The following BICD2 variants were observed in gnomAD, a reference collection of about 807,000 sequenced individuals.
BICD2 encodes BICD cargo adaptor 2, also known as protein bicaudal D homolog 2.
Under a neutral mutation model 72.9 loss-of-function variants are expected in BICD2, and 25 were observed. The ratio of observed to expected loss-of-function variants is 0.34; its 90% CI spans 0.25 to 0.48. The LOEUF (loss-of-function observed/expected upper bound fraction) is 0.48. Ranked by LOEUF, BICD2 falls within the 20% of genes least tolerant of loss-of-function variation. The pLI is 0.99. For synonymous variants in BICD2, 501 were observed against 516.1 expected (o/e 0.97, Z 0.40); for missense variants, 894 against 1,175.2 (o/e 0.76, Z 3.50).
At chr9:92,752,873 C>T (rs1055617225) in intron 1 of BICD2, among the ~76,000 whole-genome samples, 2 of 152,116 alleles carry the variant, frequency 1.3e-5, no homozygotes, top group Admixed American at 6.6e-5. Context: ...TAGATAGCAC[C>T]CTGCCCTCAA....
chr9:92,723,746 G>A (rs2131505407), intron 2 of BICD2, among the ~76,000 whole-genome samples: 1 of 152,328 alleles, frequency 6.6e-6, no homozygotes, highest in African/African-American at 2.4e-5. Context: ...GCTCTAAGTT[G>A]CCCATAAGGA....
rs570980960 is a variant in BICD2 at position 92,717,474 on chromosome 9, G to A, written c.2258+323C>T. On this transcript the variant is annotated intron_variant, in intron 6 of 6. Transcript: ENST00000356884. ...CCCGGCCACATGTGGGCACCTGCCAGGCATGCCCTATGCTCCAGCAACTGC... is the reference window on the plus strand; with the variant it reads ...CCCGGCCACATGTGGGCACCTGCCAAGCATGCCCTATGCTCCAGCAACTGC... Among the ~76,000 whole-genome samples, 11 of 152,378 alleles carry A rather than the reference G, an allele frequency of 7.2e-5. No homozygotes were observed. The East Asian group carries it at 2.1e-3, about 29-fold the overall frequency.
At chr9:92,742,136 A>G (rs1236174735) in intron 1 of BICD2, among the ~76,000 whole-genome samples, 1 of 152,218 alleles carries the variant, frequency 6.6e-6, no homozygotes, top group Admixed American at 6.5e-5. Flanking sequence ...TTCATGTGAT[A>G]TGGGTACCAC....
intron 1 of BICD2, among the ~76,000 whole-genome samples, chr9:92,753,952 A>G (rs1027922374): frequency 2.6e-5 from 4 of 151,146 alleles, no homozygotes; most frequent in African/African-American, 7.3e-5. Flanking sequence ...AGACCATCCC[A>G]GCTAACACCG....
intron 2 of BICD2, among the ~76,000 whole-genome samples, chr9:92,726,522 C>T (rs569244897): frequency 1.3e-5 from 2 of 152,232 alleles, no homozygotes; most frequent in African/African-American, 4.8e-5. Context: ...GTGGCTCAGA[C>T]CAGCAGAACA....
chr9:92,740,437 T>C (rs965844196), intron 1 of BICD2, among the ~76,000 whole-genome samples: 1 of 151,204 alleles, frequency 6.6e-6, no homozygotes, highest in African/African-American at 2.4e-5. Context: ...AGAGAAGGTA[T>C]ACAGAACAAA....
Position 92,722,770 on chromosome 9 carries a change from C to T in BICD2, c.492G>A (p.Arg164=). 1 of 1,613,294 alleles carries T rather than the reference C, an allele frequency of 6.2e-7. No homozygotes were observed. ...GGAATTTGTACTCCTTGATGTCATC[C>T]CGCAGGCGGCCACGCTGGATCTCCA... ...QNVEIQRGRL[R]DDIKEYKFRE... Residue 164 remains arginine, a synonymous_variant, in exon 3 of 7, where the codon CGG becomes CGA. Coordinates refer to ENST00000356884, the MANE Select transcript of BICD2 (RefSeq NM_001003800.2).
intron 1 of BICD2, among the ~76,000 whole-genome samples, chr9:92,742,502 G>A (rs1029191902): frequency 6.6e-6 from 1 of 150,660 alleles, no homozygotes; most frequent in African/African-American, 2.4e-5. Flanking sequence ...CTCCTGCCTC[G>A]GCCTCCCGAG....
In BICD2 at chr9:92,719,249, G is replaced by A. The variant is rs1408045633; in HGVS notation, c.1396C>T (p.Gln466Ter). The A allele has an allele frequency of 6.2e-7, 1 of 1,612,998 alleles. No homozygotes were observed. Among genetic ancestry groups the A allele is most frequent in the East Asian group, 2.2e-5 (1 of 44,876 alleles). ...TAGCGGCCCTTCTCCTCGGCGTGCTGGGCCTCACGAGCCTCGTGCGTGCTG... is the reference window on the plus strand; with the variant it reads ...TAGCGGCCCTTCTCCTCGGCGTGCTAGGCCTCACGAGCCTCGTGCGTGCTG... Reference protein sequence around the residue: ...LRSTHEAREAQHAEEKGRYEA... With the variant: ...LRSTHEAREA The change falls in exon 5 of 7, where the codon CAG becomes TAG. Residue 466 changes from glutamine to a stop codon, truncating the protein, a stop_gained. Transcript: ENST00000356884. LOFTEE classifies it high-confidence loss of function.
intron 1 of BICD2, among the ~76,000 whole-genome samples, chr9:92,746,980 T>C (rs1854026499): frequency 6.6e-6 from 1 of 152,180 alleles, no homozygotes; most frequent in African/African-American, 2.4e-5. Flanking sequence ...TGTCTGACTG[T>C]TGAGGTCAAA....
At chr9:92,750,632 G>A (rs950956426) in intron 1 of BICD2, among the ~76,000 whole-genome samples, 1 of 152,062 alleles carries the variant, frequency 6.6e-6, no homozygotes, top group Non-Finnish European at 1.5e-5. Flanking sequence ...AGAGGTTGAC[G>A]GGGGTGGATT....
intron 1 of BICD2, among the ~76,000 whole-genome samples, chr9:92,739,969 G>C (rs1376744241): frequency 5.9e-5 from 9 of 152,138 alleles, no homozygotes; most frequent in African/African-American, 2.2e-4. Flanking sequence ...GGGTTCTCAG[G>C]CCTATTAAGC....
At chr9:92,738,701 AG>A (rs1333594772) in intron 1 of BICD2, among the ~76,000 whole-genome samples, 3 of 151,872 alleles carry the variant, frequency 2.0e-5, no homozygotes, top group African/African-American at 7.3e-5. Flanking sequence ...TCCCTGGAGA[AG>A]GCCTACACCA....
intron 1 of BICD2, 119 bp from the exon 2 acceptor site, chr9:92,729,355 G>A: frequency 9.1e-7 from 1 of 1,100,416 alleles, no homozygotes; most frequent in South Asian, 1.5e-5. Flanking sequence ...GGGGACTGTG[G>A]GCCTGAAGGG....
chr9:92,719,645 C>T (rs1352798073), intron 4 of BICD2, 63 bp from the exon 5 acceptor site: 6 of 1,473,504 alleles, frequency 4.1e-6, no homozygotes, highest in Admixed American at 4.4e-5. Flanking sequence ...GCTTGGAGGA[C>T]CCCCAAGATG....
intron 1 of BICD2, among the ~76,000 whole-genome samples, chr9:92,740,357 G>A (rs1853875756): frequency 6.6e-6 from 1 of 152,098 alleles, no homozygotes; most frequent in Non-Finnish European, 1.5e-5. Flanking sequence ...AAAAATATAT[G>A]CTGTAAAAAT....
rs184715042 is a variant in BICD2 at position 92,719,517 on chromosome 9, C to T, written c.1128G>A (p.Thr376=). 2.0e-5 allele frequency: 33 copies of T among 1,613,526 alleles called. No homozygotes were observed. In the Admixed American group the frequency reaches 2.7e-4, roughly 13 times the overall value. The change falls in exon 5 of 7, where the codon ACG becomes ACA. Residue 376 remains threonine (T), a synonymous_variant. Transcript: ENST00000356884. ...CCTGCTGTTCTGACAGGGAGCCCCGCGTGTGCTCCAGCTGCTTCTGTGTGT... is the reference window on the plus strand; with the variant it reads ...CCTGCTGTTCTGACAGGGAGCCCCGTGTGTGCTCCAGCTGCTTCTGTGTGT... ...LQDTQKQLEH[T]RGSLSEQQEK...
chr9:92,746,780 G>C (rs1390781555), intron 1 of BICD2, among the ~76,000 whole-genome samples: 5 of 152,186 alleles, frequency 3.3e-5, no homozygotes, highest in African/African-American at 9.7e-5. Flanking sequence ...CACTGTAGAA[G>C]GCAGGCAGTA....
Position 92,764,714 on chromosome 9 carries a change from C to T in BICD2, c.31G>A (p.Ala11Thr). ...GGCTGCGCCTCCATCACCAGCCGCG[C>T]GTACTCCTCCTCCTCCGACGGCGCC... MSAPSEEEEY[A>T]RLVMEAQPEW... The change falls in exon 1 of 7, where the codon GCG (alanine) becomes ACG (threonine). Residue 11 changes from alanine (A) to threonine (T), a missense_variant. Physicochemically the swap from Ala to Thr is moderately conservative, Grantham distance 58. Transcript: ENST00000356884. The surrounding 1 kb of genome is among the most constrained non-coding windows in gnomAD (Gnocchi z 5.5). The T allele has an allele frequency of 6.3e-7, 1 of 1,585,134 alleles. No homozygotes were observed. Among genetic ancestry groups the T allele is most frequent in the Middle Eastern group, 1.7e-4 (1 of 6,000 alleles).
Sources: allele counts gnomAD v4.1 joint callset (sites outside exome capture counted in the v4.1 genomes callset), GRCh38; gene constraint gnomAD v4.1.1; non-coding constraint Gnocchi (gnomAD v3.1); transcripts MANE v1.5; gene names NCBI Gene and HGNC (gene_info 2026-07-23, HGNC 2026-07-21).